USP24: variants seen among roughly 807,000 people sequenced by gnomAD.
The protein encoded by USP24 is ubiquitin specific peptidase 24, also known as ubiquitin carboxyl-terminal hydrolase 24.
USP24 carries 97 observed loss-of-function variants against 361.6 expected under a neutral mutation model. The ratio of observed to expected loss-of-function variants is 0.27; its 90% CI spans 0.23 to 0.32. The LOEUF (loss-of-function observed/expected upper bound fraction) is 0.32, where lower values mean the gene tolerates loss of function less well. Among genes scored for constraint, USP24 ranks in the 10% least tolerant of loss-of-function variants. USP24 has a pLI of 1.00. For missense variants in USP24, 2,353 were observed against 3,165.6 expected, an observed-to-expected ratio of 0.74 and a Z score of 6.16; for synonymous variants, 1,098 against 1,124.6, an observed-to-expected ratio of 0.98 and a Z score of 0.47.
rs368283820 is a variant in USP24 at position 55,192,606 on chromosome 1, C to T, written c.325-14474G>A. Among the ~76,000 whole-genome samples, 146 of 152,258 alleles carry T rather than the reference C, an allele frequency of 9.6e-4. 4 individuals are homozygous for T. In the South Asian group the frequency reaches 0.027, roughly 29 times the overall value. Reference sequence around the variant, plus strand: ...GGAAAAACATGCAAACATGGGCATTCGATTGCAAGTCACTAATTTATAATA... The same window carrying T: ...GGAAAAACATGCAAACATGGGCATTTGATTGCAAGTCACTAATTTATAATA... On this transcript the variant is annotated intron_variant, in intron 1 of 67. Coordinates refer to ENST00000294383, the MANE Select transcript of USP24 (RefSeq NM_015306.3).
chr1:55,120,707 G>A lies in USP24; in HGVS notation c.4397C>T (p.Thr1466Ile), dbSNP rs776219797. 7 of 1,575,574 alleles carry A rather than the reference G, an allele frequency of 4.4e-6. No individual in the cohort carries two copies. In the Admixed American group the frequency reaches 5.5e-5, roughly 12 times the overall value. ...CTTCTGCACATCTGGATGCGCTGAT[G>A]TGTCTGTCTGACTAAGAGTGTACAG... Reference protein sequence around the residue: ...DQLYTLSQTDTSAHPDVQKPN... With the variant: ...DQLYTLSQTDISAHPDVQKPN... Residue 1466 changes from threonine (T) to isoleucine (I), a missense_variant, in exon 38 of 68, where the codon ACA becomes ATA. Transcript: ENST00000294383.
rs755483757 is a variant in USP24 at position 55,154,667 on chromosome 1, G to A, written c.1554+4C>T. On this transcript the variant is annotated splice_donor_region_variant and intron_variant, in intron 13 of 67. Transcript: ENST00000294383. ...AAAGTAAGCAAGTCTGACTGAACACGTACCTTCTGAATGAGAACAAACAAA... is the reference window on the plus strand; with the variant it reads ...AAAGTAAGCAAGTCTGACTGAACACATACCTTCTGAATGAGAACAAACAAA... 1.5e-5 allele frequency: 24 copies of A among 1,611,398 alleles called. No individual in the cohort carries two copies. Among genetic ancestry groups the A allele is most frequent in the Admixed American group, 5.0e-5 (3 of 59,764 alleles).
chr1:55,101,437 T>G, intron 43 of USP24, 147 bp downstream of exon 43: 1 of 1,105,672 alleles, frequency 9.0e-7, no homozygotes, highest in South Asian at 1.7e-5. Context: ...ATACACAACA[T>G]GTCTTTACAC....
At chr1:55,133,913 G>A (rs1004660427) in intron 30 of USP24, among the ~76,000 whole-genome samples, 157 bp downstream of exon 30, 3 of 152,142 alleles carry the variant, frequency 2.0e-5, no homozygotes, top group East Asian at 1.9e-4. Flanking sequence ...AATTACAGGC[G>A]TGAGCCACTG....
intron 1 of USP24, among the ~76,000 whole-genome samples, chr1:55,194,520 T>A (rs1400471887): frequency 1.3e-5 from 2 of 152,042 alleles, no homozygotes; most frequent in Admixed American, 6.6e-5. Flanking sequence ...GGTGATCACT[T>A]GAGCTCAGAG....
intron 51 of USP24, 24 bp downstream of exon 51, chr1:55,095,231 A>G (rs2100486096): frequency 1.2e-6 from 2 of 1,610,860 alleles, no homozygotes; most frequent in East Asian, 4.5e-5. Context: ...ATCACACAGC[A>G]AATTACATGG....
rs189659168 is a variant in USP24 at position 55,097,667 on chromosome 1, T to C, written c.5646A>G (p.Val1882=). 1.9e-4 allele frequency: 309 copies of C among 1,590,062 alleles called. 1 individual carries two copies. The highest frequency in any genetic ancestry group is 1.0e-4 in the Non-Finnish European group (117 of 1,167,086). ...CAAACCCAAATCTCATTAGGTGAAT[T>C]ACCAAGACGCTAGGTAAAGATTTAA... ...TCIKSLPSVL[V]IHLMRFGFDW... The change falls in exon 48 of 68, where the codon GTA becomes GTG. Residue 1882 remains valine, a synonymous_variant. Coordinates refer to ENST00000294383, the MANE Select transcript of USP24 (RefSeq NM_015306.3).
rs189902861 is a variant in USP24 at position 55,155,177 on chromosome 1, G to A, written c.1447-399C>T. Among the ~76,000 whole-genome samples, 9 of 152,248 alleles carry A rather than the reference G, an allele frequency of 5.9e-5. No homozygotes were observed. The South Asian group carries it at 6.2e-4, about 11-fold the overall frequency. ...ATGATCCTGAAGGTTCCAATTGAGC[G>A]TATTACCTGCCTCATTATTTATTTT... is the stretch of plus-strand genomic sequence containing the variant. On this transcript the variant is annotated intron_variant, in intron 12 of 67. Coordinates refer to ENST00000294383, the MANE Select transcript of USP24 (RefSeq NM_015306.3).
chr1:55,129,397 C>T, intron 32 of USP24, 80 bp downstream of exon 32: 1 of 1,193,588 alleles, frequency 8.4e-7, no homozygotes, highest in South Asian at 1.4e-5. Context: ...TAGGAATAAG[C>T]AAGACTTTGC....
intron 1 of USP24, among the ~76,000 whole-genome samples, chr1:55,190,158 C>T (rs749206028): frequency 9.1e-5 from 9 of 98,898 alleles, no homozygotes; most frequent in Non-Finnish European, 1.8e-4. Context: ...GACCAAGACT[C>T]CATCTCAAAA....
intron 1 of USP24, among the ~76,000 whole-genome samples, chr1:55,190,286 G>A (rs746245188): frequency 7.9e-5 from 12 of 152,084 alleles, no homozygotes; most frequent in South Asian, 2.1e-4. Context: ...GCAACAGCGC[G>A]TTATACACAG....
chr1:55,117,401 T>C (rs894858574), intron 38 of USP24, among the ~76,000 whole-genome samples: 1 of 152,128 alleles, frequency 6.6e-6, no homozygotes, highest in African/African-American at 2.4e-5. Context: ...ACAGATGACA[T>C]GTTACTATAT....
chr1:55,200,545 T>C (rs1238043241), intron 1 of USP24, among the ~76,000 whole-genome samples: 1 of 152,224 alleles, frequency 6.6e-6, no homozygotes, highest in Non-Finnish European at 1.5e-5. Context: ...TTTTTTATTT[T>C]GGGAGGAGAA....
At chr1:55,095,497 C>T (rs1056682310) in intron 50 of USP24, 101 bp from the exon 51 acceptor site, 2 of 1,324,784 alleles carry the variant, frequency 1.5e-6, no homozygotes, top group Non-Finnish European at 2.0e-6. Flanking sequence ...TAGTTAACTA[C>T]TCCCTAAGTT....
intron 38 of USP24, 97 bp from the exon 39 acceptor site, chr1:55,110,343 G>A (rs1447320227): frequency 9.8e-7 from 1 of 1,021,476 alleles, no homozygotes; most frequent in African/African-American, 1.7e-5. Flanking sequence ...AAGTGAGCAA[G>A]ATAATTTTGG....
chr1:55,147,725 C>T lies in USP24; in HGVS notation c.2042G>A (p.Arg681Gln), dbSNP rs765241870. Residue 681 changes from arginine (R) to glutamine (Q), a missense_variant, in exon 18 of 68, where the codon CGG becomes CAG. Transcript: ENST00000294383. ...LVTGSLIACH[R>Q]LAAAVAGPGG... ...AGGCCCGGCCACAGCAGCTGCAAGC[C>T]GATGACAAGCGATCAAACTTCCCGT... 6.2e-7 allele frequency: 1 copy of T among 1,612,508 alleles called. No individual in the cohort carries two copies. Among genetic ancestry groups the T allele is most frequent in the South Asian group, 1.1e-5 (1 of 90,886 alleles).
intron 49 of USP24, 59 bp from the exon 50 acceptor site, chr1:55,096,681 T>C: frequency 2.6e-6 from 4 of 1,565,008 alleles, no homozygotes; most frequent in Non-Finnish European, 3.4e-6. Flanking sequence ...TCCTCATCCT[T>C]AGCATTGATC....
At chr1:55,176,750 T>C (rs1650022307) in intron 2 of USP24, among the ~76,000 whole-genome samples, 1 of 152,184 alleles carries the variant, frequency 6.6e-6, no homozygotes, top group African/African-American at 2.4e-5. Context: ...TTCAATGATC[T>C]GATTAAATAG....
chr1:55,124,657 A>G, intron 34 of USP24, 29 bp from the exon 35 acceptor site: 1 of 1,611,676 alleles, frequency 6.2e-7, no homozygotes, highest in African/African-American at 1.3e-5. Flanking sequence ...ATTATGAGAA[A>G]GAGCAATACT....
Sources: gnomAD v4.1 joint callset for allele counts (sites outside exome capture counted in the v4.1 genomes callset) on GRCh38, gnomAD v4.1.1 for gene constraint, MANE v1.5 for transcripts, NCBI Gene and HGNC (gene_info 2026-07-23, HGNC 2026-07-21) for gene names.